HIF3A: variants seen among roughly 807,000 people sequenced by gnomAD.
HIF3A encodes hypoxia inducible factor 3 subunit alpha.
A neutral mutation model predicts 67.2 loss-of-function variants in HIF3A; 41 were observed. That is an observed-to-expected ratio of 0.61 (90% confidence interval 0.48 to 0.79). HIF3A has a LOEUF of 0.79. Ranked by LOEUF, HIF3A falls within the 30% of genes least tolerant of loss-of-function variation. The probability of loss-of-function intolerance (pLI) is 0.00; values close to 1 mark genes in which losing one functional copy is unlikely to be tolerated. For synonymous variants in HIF3A, 356 were observed against 374.8 expected (o/e 0.95, Z 0.58); for missense variants, 855 against 898.0 (o/e 0.95, Z 0.61).
rs1214880989 is a variant in HIF3A, at chr19:46,312,734, TGTGC to T, written c.1025+84_1025+87del. On this transcript the variant is annotated intron_variant, in intron 8 of 14. Coordinates refer to ENST00000377670, the MANE Select transcript of HIF3A (RefSeq NM_152795.4). The stretch of plus-strand genomic sequence containing the variant: ...ACAGGTGTGTGTGTGTGTGTGTGTG[TGTGC>T]GTATGAGCATGCATGTGTATCATGC... The T allele has an allele frequency of 1.5e-4, 223 of 1,502,766 alleles. No individual in the cohort carries two copies. In the African/African-American group the frequency reaches 2.5e-3, roughly 17 times the overall value. 93.1% of individuals were successfully genotyped at this position (1,502,766 alleles called of 1,614,324 possible). A position where few individuals can be genotyped will look rare whatever the true frequency, so the allele number is the denominator to read the frequency against.
chr19:46,338,494 C>T (rs926357576), intron 14 of HIF3A: 33 of 1,143,830 alleles, frequency 2.9e-5, no homozygotes, highest in Admixed American at 8.9e-5. Flanking sequence ...TGAACCACCA[C>T]GCCCGACAGT....
At chr19:46,323,217 A>G (rs1970513329) in intron 10 of HIF3A, among the ~76,000 whole-genome samples, 1 of 151,564 alleles carries the variant, frequency 6.6e-6, no homozygotes, top group South Asian at 2.1e-4. Context: ...CGCCCAGTTA[A>G]TTTTTTTATT....
At position 46,342,152 on chromosome 19, in the gene HIF3A, C is replaced by T. The variant is rs1157167754; in HGVS notation, c.*2530C>T. On this transcript the variant is annotated 3_prime_UTR_variant, in exon 15 of 15. Transcript: ENST00000377670. The stretch of plus-strand genomic sequence containing the variant: ...TTACAAGTGCCTTCTGATTCTAGAC[C>T]TCATTCCGTAAGTTCCCTTGGCTCT... The T allele has an allele frequency of 1.3e-5, 2 of 152,154 alleles. No homozygotes were observed. The highest frequency in any genetic ancestry group is 2.9e-5 in the Non-Finnish European group (2 of 68,042). The allele number at this position is 152,154 out of a possible 1,614,324, so 9.4% of individuals were successfully genotyped here.
chr19:46,312,052 C>T (rs759503711), intron 6 of HIF3A, 109 bp from the exon 7 acceptor site: 13 of 837,862 alleles, frequency 1.6e-5, no homozygotes, highest in Admixed American at 5.1e-5. Context: ...CAATCCTTCT[C>T]GACATCTTGC....
At chr19:46,324,985 T>TTTTGTGTG (rs1555785452) in intron 10 of HIF3A, among the ~76,000 whole-genome samples, 28 of 127,928 alleles carry the variant, frequency 2.2e-4, no homozygotes, top group African/African-American at 7.4e-4. Flanking sequence ...CACACATATA[T>TTTTGTGTG]TGTGTGTGTG....
At chr19:46,312,836 T>C in intron 8 of HIF3A, 183 bp downstream of exon 8, 1 of 1,315,760 alleles carries the variant, frequency 7.6e-7, no homozygotes, top group Admixed American at 3.7e-5. Context: ...TGCCGGTGTG[T>C]GTGTCTGCAT....
rs757326064 is a variant in HIF3A at position 46,321,944 on chromosome 19, G to A, written c.1313G>A (p.Arg438Gln). The change falls in exon 10 of 15, where the codon CGG becomes CAG. Residue 438 changes from arginine (R) to glutamine (Q), a missense_variant. This residue lies in a region of HIF3A where 638 missense variants were observed against 660.5 expected (regional missense o/e 0.97). Coordinates refer to ENST00000377670, the MANE Select transcript of HIF3A (RefSeq NM_152795.4). ...AATPSTPLAT[R>Q]HPQSPLSADL... ...ACTCCCAGCACCCCGCTGGCCACAC[G>A]GCACCCCCAAAGTCCTCTTTCGGTA... 7.4e-6 allele frequency: 12 copies of A among 1,613,740 alleles called. No individual in the cohort carries two copies. Among genetic ancestry groups the A allele is most frequent in the East Asian group, 4.5e-5 (2 of 44,868 alleles).
chr19:46,301,275 G>C (rs769198273), intron 1 of HIF3A, among the ~76,000 whole-genome samples: 30 of 152,134 alleles, frequency 2.0e-4, no homozygotes, highest in Admixed American at 1.8e-3. Flanking sequence ...TGGGGCCGCA[G>C]GTCTCTTGCC....
In HIF3A at chr19:46,309,167, G is replaced by T. The variant is rs1238833421; in HGVS notation, c.578G>T (p.Gly193Val). 1 of 1,613,966 alleles carries T rather than the reference G, an allele frequency of 6.2e-7. No individual in the cohort carries two copies. Residue 193 changes from glycine (G) to valine (V), a missense_variant, in exon 6 of 15, where the codon GGA becomes GTA. This residue lies in a region of HIF3A where 638 missense variants were observed against 660.5 expected (regional missense o/e 0.97). Coordinates refer to ENST00000377670, the MANE Select transcript of HIF3A (RefSeq NM_152795.4). Reference sequence around the variant, plus strand: ...GGCCCCCAGGTGCTGAACTGCTCTGGACATATGAGGGCCTACAAGCCACCT... The same window carrying T: ...GGCCCCCAGGTGCTGAACTGCTCTGTACATATGAGGGCCTACAAGCCACCT... ...AATWKVLNCS[G>V]HMRAYKPPAQ...
At position 46,329,435 on chromosome 19, in the gene HIF3A, G is replaced by A; in HGVS notation, c.1669G>A (p.Gly557Arg). 6.4e-7 allele frequency: 1 copy of A among 1,572,332 alleles called. No individual in the cohort carries two copies. The highest frequency in any genetic ancestry group is 1.2e-5 in the South Asian group (1 of 85,314). Reference protein sequence around the residue: ...PRLSCSSPSRGDPSASSPMAG... With the variant: ...PRLSCSSPSRRDPSASSPMAG... ...GCTGAGCTGCTCCAGCCCTTCCAGA[G>A]GGGACCCCTCAGCATCCTCTCCCAT... is the stretch of plus-strand genomic sequence containing the variant. Residue 557 changes from glycine to arginine, a missense_variant, in exon 12 of 15, where the codon GGG (glycine) becomes AGG (arginine). Around this residue, in one of 3 missense-constraint regions of HIF3A, gnomAD observed 199 missense variants for 193.8 expected, o/e 1.03. Transcript: ENST00000377670.
chr19:46,318,570 A>AAG (rs2147214405), intron 8 of HIF3A, among the ~76,000 whole-genome samples: 1 of 150,068 alleles, frequency 6.7e-6, no homozygotes, highest in South Asian at 2.1e-4. Flanking sequence ...AAAAAAAAAA[A>AAG]GTAAACAGAA....
rs781136704 is a variant in HIF3A at position 46,325,567 on chromosome 19, C to G, written c.1368C>G (p.Thr456=). Residue 456 remains threonine (T), a synonymous_variant, in exon 11 of 15, where the codon ACC becomes ACG. Coordinates refer to ENST00000377670, the MANE Select transcript of HIF3A (RefSeq NM_152795.4). ...TCCCAGATGAACTACCTGTGGGCAC[C>G]GAGAATGTGCACAGACTCTTCACCT... ...ADLPDELPVG[T]ENVHRLFTSG... is the part of the protein sequence containing the mutation. 1 of 1,613,332 alleles carries G rather than the reference C, an allele frequency of 6.2e-7. No homozygotes were observed.
intron 14 of HIF3A, among the ~76,000 whole-genome samples, chr19:46,336,437 G>T (rs1223113900): frequency 6.6e-6 from 1 of 151,954 alleles, no homozygotes; most frequent in East Asian, 2.0e-4. Context: ...TGCACTGTCA[G>T]CTCACTGCAG....
At chr19:46,301,072 G>A (rs971767672) in intron 1 of HIF3A, among the ~76,000 whole-genome samples, 1 of 152,130 alleles carries the variant, frequency 6.6e-6, no homozygotes, top group African/African-American at 2.4e-5. Context: ...AGGACGGAAT[G>A]TCCTCTCAGG....
rs1971882154 is a variant in HIF3A, at chr19:46,340,121, A to G, written c.*499A>G. On this transcript the variant is annotated 3_prime_UTR_variant, in exon 15 of 15. Transcript: ENST00000377670. ...CATGATGAATTGCCTGGGGTCTGTAAGAATGTGGGACTCTGATCTTCCCCC... is the reference window on the plus strand; with the variant it reads ...CATGATGAATTGCCTGGGGTCTGTAGGAATGTGGGACTCTGATCTTCCCCC... 6.6e-6 allele frequency: 1 copy of G among 152,256 alleles called. No individual in the cohort carries two copies. The highest frequency in any genetic ancestry group is 2.4e-5 in the African/African-American group (1 of 41,394). 9.4% of individuals were successfully genotyped at this position (152,256 alleles called of 1,614,324 possible).
At chr19:46,310,992 C>T (rs1284802713) in intron 6 of HIF3A, among the ~76,000 whole-genome samples, 1 of 152,184 alleles carries the variant, frequency 6.6e-6, no homozygotes, top group East Asian at 1.9e-4. Context: ...CTCAGGTGAT[C>T]GGCCCGCCTC....
Position 46,320,576 on chromosome 19 carries a change from T to G in HIF3A, c.1144+15T>G. On this transcript the variant is annotated intron_variant, in intron 9 of 14. Coordinates refer to ENST00000377670, the MANE Select transcript of HIF3A (RefSeq NM_152795.4). Reference sequence around the variant, plus strand: ...GGACAGCCTTGGTATGGGGCAGGGCTGGGGCCGGGAGGGGTTGTGTCCCCA... The same window carrying G: ...GGACAGCCTTGGTATGGGGCAGGGCGGGGGCCGGGAGGGGTTGTGTCCCCA... 6.3e-7 allele frequency: 1 copy of G among 1,599,442 alleles called. No homozygotes were observed. Among genetic ancestry groups the G allele is most frequent in the South Asian group, 1.1e-5 (1 of 90,698 alleles).
rs572671763 is a variant in HIF3A, at chr19:46,312,148, G to A, written c.771-13G>A. 6.4e-5 allele frequency: 103 copies of A among 1,609,854 alleles called. No individual in the cohort carries two copies. The highest frequency in any genetic ancestry group is 8.0e-5 in the African/African-American group (6 of 74,740). On this transcript the variant is annotated splice_polypyrimidine_tract_variant and intron_variant, in intron 6 of 14. Transcript: ENST00000377670. ...TAGCATCCTGACCAGACCCCACTCC[G>A]CCCCACCCCCAGGATTGCAGAAGTG...
intron 1 of HIF3A, chr19:46,298,622 G>C: frequency 2.3e-6 from 2 of 852,760 alleles, no homozygotes; most frequent in South Asian, 3.4e-5. Context: ...GGTGGGTACG[G>C]CTTGCAGCCC....
Sources: allele counts gnomAD v4.1 joint callset (sites outside exome capture counted in the v4.1 genomes callset), GRCh38; gene constraint gnomAD v4.1.1; regional missense constraint gnomAD v4.1.1; transcripts MANE v1.5; gene names NCBI Gene and HGNC (gene_info 2026-07-23, HGNC 2026-07-21).